CHST9: variants seen among roughly 807,000 people sequenced by gnomAD.
CHST9 encodes carbohydrate sulfotransferase 9.
CHST9 carries 41 observed loss-of-function variants against 44.4 expected under a neutral mutation model. The observed-to-expected ratio is 0.92, with a 90% CI of 0.72 to 1.20. The LOEUF is 1.20. CHST9 is among the 50% of genes most tolerant of loss of function. The pLI, the probability that CHST9 is intolerant of heterozygous loss-of-function variation, is 0.00. For missense variants in CHST9, 504 were observed against 516.5 expected (o/e 0.98, Z 0.23); for synonymous variants, 171 against 178.4 (o/e 0.96, Z 0.33).
chr18:26,972,173 A>G (rs1249827642), intron 4 of CHST9, among the ~76,000 whole-genome samples: 3 of 152,052 alleles, frequency 2.0e-5, no homozygotes, highest in East Asian at 3.9e-4. Context: ...CCTGGCCAAC[A>G]TGGCGAAAAC....
intron 2 of CHST9, among the ~76,000 whole-genome samples, chr18:27,092,328 C>A (rs1366645368): frequency 1.3e-5 from 2 of 152,086 alleles, no homozygotes; most frequent in African/African-American, 4.8e-5. Context: ...TTTGATTCTT[C>A]TCTGTTTTTT....
Position 26,906,587 on chromosome 18 carries a change from A to T in CHST9, c.*9672T>A, listed in dbSNP as rs545692403. 5 of 152,282 alleles carry T rather than the reference A, an allele frequency of 3.3e-5. No homozygotes were observed. The South Asian group carries it at 1.0e-3, about 32-fold the overall frequency. The allele number at this position is 152,282 out of a possible 1,614,324, so 9.4% of individuals were successfully genotyped here. A position where few individuals can be genotyped will look rare whatever the true frequency, so the allele number is the denominator to read the frequency against. ...GTATTCTATCCTCAGTTTTCAGATG[A>T]GAAAACTGGCACTGAGAGAAGTTAA... is the stretch of plus-strand genomic sequence containing the variant. On this transcript the variant is annotated 3_prime_UTR_variant, in exon 6 of 6. Transcript: ENST00000618847.
rs539125524 is a variant in CHST9 at position 27,173,712 on chromosome 18, ACT to A, written c.-97+11422_-97+11423del. The stretch of plus-strand genomic sequence containing the variant: ...GATATTTAGATACTTTAGAGAAGAC[ACT>A]CTGTTAATTAAACAACTTTCAAACA... On this transcript the variant is annotated intron_variant, in intron 1 of 5. Transcript: ENST00000618847. Among the ~76,000 whole-genome samples, 57 of 152,052 alleles carry A rather than the reference ACT, an allele frequency of 3.7e-4. No individual in the cohort carries two copies. In the East Asian group the frequency reaches 7.7e-3, roughly 21 times the overall value.
rs537103665 is a variant in CHST9 at position 26,907,900 on chromosome 18, A to C, written c.*8359T>G. On this transcript the variant is annotated 3_prime_UTR_variant, in exon 6 of 6. Coordinates refer to ENST00000618847, the MANE Select transcript of CHST9 (RefSeq NM_031422.6). ...GACATTATGCTAAGAGAAATACGCC[A>C]GTCACAAAAAGACACATGCTGTATG... 6.1e-5 allele frequency: 11 copies of C among 181,302 alleles called. No individual in the cohort carries two copies. Among genetic ancestry groups the C allele is most frequent in the African/African-American group, 1.7e-4 (7 of 42,364 alleles). 11.2% of individuals were successfully genotyped at this position (181,302 alleles called of 1,614,324 possible).
chr18:26,949,909 T>C (rs1401719556), intron 4 of CHST9, among the ~76,000 whole-genome samples: 2 of 152,104 alleles, frequency 1.3e-5, no homozygotes, highest in Non-Finnish European at 2.9e-5. Flanking sequence ...CCAAGTACTG[T>C]GGGCAACCTC....
chr18:26,944,491 C>T, intron 4 of CHST9, 125 bp from the exon 5 acceptor site: 2 of 677,382 alleles, frequency 3.0e-6, no homozygotes, highest in South Asian at 3.7e-5. Flanking sequence ...GCAAGGATTT[C>T]TATCACAATG....
At chr18:27,068,895 A>G (rs902498810) in intron 2 of CHST9, among the ~76,000 whole-genome samples, 1 of 151,946 alleles carries the variant, frequency 6.6e-6, no homozygotes, top group Non-Finnish European at 1.5e-5. Flanking sequence ...TCCTCCTCAC[A>G]TTTTTTACTT....
At chr18:27,031,796 T>C (rs576247605) in intron 3 of CHST9, among the ~76,000 whole-genome samples, 64 of 152,282 alleles carry the variant, frequency 4.2e-4, no homozygotes, top group Middle Eastern at 3.4e-3. Context: ...AAAATTCATA[T>C]AGATTCTTCA....
chr18:26,932,786 C>T (rs2055903230), intron 5 of CHST9, among the ~76,000 whole-genome samples: 1 of 152,216 alleles, frequency 6.6e-6, no homozygotes, highest in South Asian at 2.1e-4. Flanking sequence ...CTCTGGGCTT[C>T]TCTTATAGAA....
chr18:27,160,505 G>T (rs1037335091), intron 1 of CHST9, among the ~76,000 whole-genome samples: 1 of 152,082 alleles, frequency 6.6e-6, no homozygotes, highest in Non-Finnish European at 1.5e-5. Flanking sequence ...TGCTGGATTC[G>T]GTTTGCCAGT....
At chr18:27,021,098 G>A (rs2057220899) in intron 4 of CHST9, among the ~76,000 whole-genome samples, 1 of 152,086 alleles carries the variant, frequency 6.6e-6, no homozygotes, top group Non-Finnish European at 1.5e-5. Context: ...ACTACCTTAT[G>A]TGCTAGGGAA....
chr18:27,096,940 C>A (rs2058122765), intron 2 of CHST9, among the ~76,000 whole-genome samples: 1 of 151,944 alleles, frequency 6.6e-6, no homozygotes, highest in Admixed American at 6.6e-5. Context: ...GCCAGCATCC[C>A]TCTGATACTG....
At chr18:27,037,850 A>T (rs73948519) in intron 3 of CHST9, among the ~76,000 whole-genome samples, 2,914 of 62,428 alleles carry the variant, frequency 0.047, 41 homozygotes, top group African/African-American at 0.065. Flanking sequence ...TTTTTTTTTT[A>T]AATTTTTACA....
At chr18:26,941,872 A>G (rs1259015873) in intron 5 of CHST9, among the ~76,000 whole-genome samples, 1 of 152,244 alleles carries the variant, frequency 6.6e-6, no homozygotes, top group Non-Finnish European at 1.5e-5. Flanking sequence ...GGCTAAAAGC[A>G]CAGGCTGGAT....
intron 3 of CHST9, among the ~76,000 whole-genome samples, chr18:27,041,749 A>G (rs2057447635): frequency 6.6e-6 from 1 of 152,156 alleles, no homozygotes; most frequent in South Asian, 2.1e-4. Flanking sequence ...AAGGTATTTT[A>G]AAAATAATGT....
At chr18:27,094,703 G>T (rs900558964) in intron 2 of CHST9, among the ~76,000 whole-genome samples, 1 of 152,134 alleles carries the variant, frequency 6.6e-6, no homozygotes, top group African/African-American at 2.4e-5. Flanking sequence ...TACAAAGCTT[G>T]GACATTTTTA....
chr18:26,974,053 A>C (rs141515058), intron 4 of CHST9, among the ~76,000 whole-genome samples: 2 of 152,346 alleles, frequency 1.3e-5, no homozygotes, highest in Non-Finnish European at 2.9e-5. Context: ...TGGGCCATAC[A>C]TTTTGGTGAC....
chr18:27,040,786 T>A (rs552795479), intron 3 of CHST9, among the ~76,000 whole-genome samples: 2 of 152,308 alleles, frequency 1.3e-5, no homozygotes, highest in South Asian at 2.1e-4. Flanking sequence ...ATGTTTGTGG[T>A]CATTTCTATT....
intron 5 of CHST9, among the ~76,000 whole-genome samples, chr18:26,931,919 G>C (rs2055884744): frequency 6.6e-6 from 1 of 151,892 alleles, no homozygotes; most frequent in Non-Finnish European, 1.5e-5. Context: ...GTCTTGTCCA[G>C]CTCCAAAATG....
Sources: gnomAD v4.1 joint callset for allele counts (sites outside exome capture counted in the v4.1 genomes callset) on GRCh38, gnomAD v4.1.1 for gene constraint, MANE v1.5 for transcripts, NCBI Gene and HGNC (gene_info 2026-07-23, HGNC 2026-07-21) for gene names.